The following SHPRH variants were observed in gnomAD, a reference collection of about 807,000 sequenced individuals.
The protein encoded by SHPRH is SNF2 histone linker PHD RING helicase, also known as E3 ubiquitin-protein ligase SHPRH.
SHPRH carries 106 observed loss-of-function variants against 202.5 expected under a neutral mutation model. That is an observed-to-expected ratio of 0.52 (90% CI 0.45 to 0.62). The LOEUF (loss-of-function observed/expected upper bound fraction) is 0.62, where lower values mean the gene tolerates loss of function less well. SHPRH is among the 20% of genes least tolerant of loss of function. The pLI is 0.00. For synonymous variants in SHPRH, 729 were observed against 686.0 expected (o/e 1.06, Z -0.98); for missense variants, 1,710 against 2,020.0 (o/e 0.85, Z 2.94).
chr6:145,957,304 C>T (rs558106572), intron 1 of SHPRH, among the ~76,000 whole-genome samples: 5 of 151,950 alleles, frequency 3.3e-5, no homozygotes, highest in African/African-American at 7.2e-5. Flanking sequence ...AAAAAAGGCA[C>T]AAAAATTTTT....
chr6:145,952,461 C>T lies in SHPRH; in HGVS notation c.651G>A (p.Leu217=), dbSNP rs772414108. 8.7e-6 allele frequency: 14 copies of T among 1,603,890 alleles called. No individual in the cohort carries two copies. The African/African-American group carries it at 9.4e-5, about 11-fold the overall frequency. Residue 217 remains leucine, a synonymous_variant, in exon 3 of 30, where the codon TTG becomes TTA. Transcript: ENST00000275233. ...NHIIKVGIYL[L]EAGLAKLDFL... is the part of the protein sequence containing the mutation. ...AGTCTAGTTTTGCTAGGCCAGCTTCCAAAAGATAAATTCCAACCTAAAAAC... is the reference window on the plus strand; with the variant it reads ...AGTCTAGTTTTGCTAGGCCAGCTTCTAAAAGATAAATTCCAACCTAAAAAC...
chr6:145,926,938 T>C (rs1232296695), intron 15 of SHPRH, among the ~76,000 whole-genome samples: 1 of 151,976 alleles, frequency 6.6e-6, no homozygotes, highest in African/African-American at 2.4e-5. Context: ...CTTTGAGCTA[T>C]TTTTAACTGT....
downstream of SHPRH, among the ~76,000 whole-genome samples, chr6:145,881,093 G>T (rs933778704): frequency 1.3e-5 from 2 of 152,168 alleles, no homozygotes. Context: ...TATAGTTGGA[G>T]TAAAACAATG....
chr6:145,868,313 G>A (rs964324192), intron 2 of SHPRH, among the ~76,000 whole-genome samples: 1 of 152,080 alleles, frequency 6.6e-6, no homozygotes, highest in Non-Finnish European at 1.5e-5. Context: ...GGACCTCAAC[G>A]TACAACTTTT....
chr6:145,948,976 A>G (rs1378123236), intron 4 of SHPRH, among the ~76,000 whole-genome samples: 1 of 152,102 alleles, frequency 6.6e-6, no homozygotes, highest in South Asian at 2.1e-4. Flanking sequence ...AACAGCAAGT[A>G]ATTTTTAATT....
chr6:145,906,521 A>G (rs1324984789), intron 25 of SHPRH: 1 of 152,026 alleles, frequency 6.6e-6, no homozygotes, highest in African/African-American at 2.4e-5. Context: ...CTATACATCA[A>G]CATTCTCCTT....
intron 2 of SHPRH, among the ~76,000 whole-genome samples, chr6:145,875,316 T>C (rs2128694769): frequency 6.6e-6 from 1 of 152,330 alleles, no homozygotes; most frequent in East Asian, 1.9e-4. Context: ...CCAGGGATGC[T>C]GCTCAATCTT....
At chr6:145,912,039 T>C (rs892092984) in intron 24 of SHPRH, among the ~76,000 whole-genome samples, 2 of 151,930 alleles carry the variant, frequency 1.3e-5, no homozygotes, top group Non-Finnish European at 2.9e-5. Flanking sequence ...GAGCTCAAAA[T>C]GGACCAACTA....
At chr6:145,911,976 T>A (rs1783535841) in intron 24 of SHPRH, among the ~76,000 whole-genome samples, 1 of 152,084 alleles carries the variant, frequency 6.6e-6, no homozygotes, top group African/African-American at 2.4e-5. Flanking sequence ...GTACTTTATG[T>A]ACCTCTAGTG....
intron 25 of SHPRH, chr6:145,905,118 A>G (rs1166819437): frequency 6.6e-6 from 1 of 152,142 alleles, no homozygotes; most frequent in East Asian, 1.9e-4. Flanking sequence ...GTTCTTTCTT[A>G]TGCCAGTTCC....
Position 145,886,378 on chromosome 6 carries a change from A to G in SHPRH, c.*313T>C. On this transcript the variant is annotated 3_prime_UTR_variant, in exon 30 of 30. Coordinates refer to ENST00000275233, the MANE Select transcript of SHPRH (RefSeq NM_001042683.3). ...TCTTATTCCAACTGTTTTATGAGTG[A>G]TCTTATCATAAGAAAAGTACACATT... 1 of 715,388 alleles carries G rather than the reference A, an allele frequency of 1.4e-6. No homozygotes were observed. The allele number at this position is 715,388 out of a possible 1,614,324, so 44.3% of individuals were successfully genotyped here.
At chr6:145,874,028 G>A (rs1345472839) in intron 2 of SHPRH, among the ~76,000 whole-genome samples, 7 of 151,772 alleles carry the variant, frequency 4.6e-5, no homozygotes, top group Non-Finnish European at 1.0e-4. Context: ...GGGAAACCCC[G>A]TCTCTATTAA....
chr6:145,859,295 C>T (rs539522907), downstream of SHPRH, among the ~76,000 whole-genome samples: 10 of 152,040 alleles, frequency 6.6e-5, no homozygotes, highest in South Asian at 2.1e-3. Context: ...TGTTACATGT[C>T]TCTAATTGAT....
intron 25 of SHPRH, among the ~76,000 whole-genome samples, chr6:145,901,662 G>C (rs995209862): frequency 6.6e-6 from 1 of 152,110 alleles, no homozygotes; most frequent in Non-Finnish European, 1.5e-5. Context: ...CATTAGGGAA[G>C]ACTGTACATG....
chr6:145,926,131 G>T, intron 16 of SHPRH, 73 bp downstream of exon 16: 2 of 1,257,546 alleles, frequency 1.6e-6, no homozygotes, highest in Admixed American at 1.8e-5. Context: ...TATGTCCTAG[G>T]ATATATCAAC....
intron 2 of SHPRH, among the ~76,000 whole-genome samples, chr6:145,869,946 T>C (rs1197044939): frequency 1.3e-5 from 2 of 152,056 alleles, no homozygotes; most frequent in African/African-American, 4.8e-5. Flanking sequence ...AACTAAGGTC[T>C]TGAGAATATT....
At chr6:145,935,660 G>A (rs1785987653) in intron 11 of SHPRH, 1 of 484,506 alleles carries the variant, frequency 2.1e-6, no homozygotes, top group African/African-American at 1.9e-5. Flanking sequence ...AATAATGTTA[G>A]ATTTATGCAA....
At chr6:145,872,490 A>G (rs988432225) in intron 2 of SHPRH, among the ~76,000 whole-genome samples, 1 of 152,230 alleles carries the variant, frequency 6.6e-6, no homozygotes, top group Non-Finnish European at 1.5e-5. Flanking sequence ...CAAATGAGAT[A>G]CCATCTTACA....
rs116878912 is a variant in SHPRH, at chr6:145,892,192, C to T, written c.4874+1023G>A. Among the ~76,000 whole-genome samples the T allele has an allele frequency of 4.2e-3, 635 of 152,232 alleles. 18 individuals are homozygous for T. In the East Asian group the frequency reaches 0.071, roughly 17 times the overall value. ...GCAACAATTCCAAACTCCTTACAGT[C>T]CCTAGAAATGTCATGTCATTTCCCA... is the stretch of plus-strand genomic sequence containing the variant. On this transcript the variant is annotated intron_variant, in intron 28 of 29. Transcript: ENST00000275233.
Sources: allele counts gnomAD v4.1 joint callset (sites outside exome capture counted in the v4.1 genomes callset), GRCh38; gene constraint gnomAD v4.1.1; transcripts MANE v1.5; gene names NCBI Gene and HGNC (gene_info 2026-07-23, HGNC 2026-07-21).